DYNC2I1: variants seen among roughly 807,000 people sequenced by gnomAD.
The protein encoded by DYNC2I1 is cytoplasmic dynein 2 intermediate chain 1.
In DYNC2I1, 89 loss-of-function variants were observed where a neutral mutation model predicts 133.4. The observed-to-expected ratio is 0.67, with a 90% CI of 0.56 to 0.80. DYNC2I1 has a LOEUF of 0.80. Among genes scored for constraint, DYNC2I1 ranks in the 30% least tolerant of loss-of-function variants. The probability of loss-of-function intolerance (pLI) is 0.00; values close to 1 mark genes in which losing one functional copy is unlikely to be tolerated. For missense variants in DYNC2I1, 1,291 were observed against 1,314.5 expected, an observed-to-expected ratio of 0.98 and a Z score of 0.28; for synonymous variants, 504 against 484.3, an observed-to-expected ratio of 1.04 and a Z score of -0.54.
intron 5 of DYNC2I1, among the ~76,000 whole-genome samples, chr7:158,881,848 G>A (rs1242996021): frequency 3.9e-5 from 6 of 152,044 alleles, no homozygotes; most frequent in East Asian, 1.9e-4. Flanking sequence ...CAGCAAAGTC[G>A]ACGTAATTTT....
intron 3 of DYNC2I1, among the ~76,000 whole-genome samples, chr7:158,875,893 C>T (rs1443991894): frequency 6.6e-6 from 1 of 152,166 alleles, no homozygotes; most frequent in African/African-American, 2.4e-5. Flanking sequence ...ATGCAGAAAC[C>T]CTGAAGGCTG....
At chr7:158,936,798 G>T (rs1334250886) in intron 23 of DYNC2I1, among the ~76,000 whole-genome samples, 3 of 152,186 alleles carry the variant, frequency 2.0e-5, no homozygotes, top group Non-Finnish European at 4.4e-5. Flanking sequence ...CCTCATTTGG[G>T]ACAGGCCTCC....
intron 3 of DYNC2I1, among the ~76,000 whole-genome samples, chr7:158,873,607 A>T (rs1163840099): frequency 6.6e-6 from 1 of 152,128 alleles, no homozygotes; most frequent in Non-Finnish European, 1.5e-5. Flanking sequence ...TTAAAAATAT[A>T]TTTTATTTGT....
Position 158,862,304 on chromosome 7 carries a change from A to C in DYNC2I1, c.15+5554A>C, listed in dbSNP as rs569985669. On this transcript the variant is annotated intron_variant, in intron 1 of 24. Coordinates refer to ENST00000407559, the MANE Select transcript of DYNC2I1 (RefSeq NM_018051.5). ...GTGTTTAAAGAGAAAAGGACGAATCAGGGGACGATTACAAAATACTTTGTC... is the reference window on the plus strand; with the variant it reads ...GTGTTTAAAGAGAAAAGGACGAATCCGGGGACGATTACAAAATACTTTGTC... Among the ~76,000 whole-genome samples the C allele has an allele frequency of 2.0e-5, 3 of 148,786 alleles. No homozygotes were observed. The East Asian group carries it at 5.8e-4, about 29-fold the overall frequency.
At chr7:158,913,606 A>G (rs1014243425) in intron 13 of DYNC2I1, among the ~76,000 whole-genome samples, 1 of 152,222 alleles carries the variant, frequency 6.6e-6, no homozygotes, top group Non-Finnish European at 1.5e-5. Context: ...TTGCCTCTGT[A>G]TGGCAGGGAT....
chr7:158,941,784 A>G, intron 23 of DYNC2I1, 141 bp from the exon 24 acceptor site: 1 of 872,954 alleles, frequency 1.1e-6, no homozygotes, highest in Non-Finnish European at 1.8e-6. Context: ...AGGCCGAGGC[A>G]GGAGGATTGA....
chr7:158,917,202 G>A (rs1409828172), intron 14 of DYNC2I1, among the ~76,000 whole-genome samples: 5 of 141,932 alleles, frequency 3.5e-5, no homozygotes, highest in Non-Finnish European at 6.2e-5. Flanking sequence ...GTGAAACGTC[G>A]ACACGCTGGT....
Position 158,880,008 on chromosome 7 carries a change from C to T in DYNC2I1, c.879+19C>T, listed in dbSNP as rs757235921. ...ATCCCAGGTACCCCTTCTGATGCTT[C>T]GTTGCCTTAGCAGCCGCCCCGAGGC... is the stretch of plus-strand genomic sequence containing the variant. On this transcript the variant is annotated intron_variant, in intron 5 of 24. Coordinates refer to ENST00000407559, the MANE Select transcript of DYNC2I1 (RefSeq NM_018051.5). 87 of 1,564,318 alleles carry T rather than the reference C, an allele frequency of 5.6e-5. No individual in the cohort carries two copies. Among genetic ancestry groups the T allele is most frequent in the South Asian group, 2.9e-4 (24 of 82,186 alleles).
chr7:158,883,732 C>T (rs1159796634), intron 5 of DYNC2I1, among the ~76,000 whole-genome samples: 3 of 136,854 alleles, frequency 2.2e-5, no homozygotes, highest in East Asian at 2.2e-4. Context: ...GGCGCAATCT[C>T]GGCTCACTGC....
chr7:158,893,600 G>A (rs1252361205), intron 8 of DYNC2I1, among the ~76,000 whole-genome samples: 1 of 152,160 alleles, frequency 6.6e-6, no homozygotes, highest in South Asian at 2.1e-4. Flanking sequence ...CCTGGGAGGT[G>A]TGGCTGCTGC....
At chr7:158,865,850 G>A (rs1842357227) in intron 1 of DYNC2I1, among the ~76,000 whole-genome samples, 1 of 152,192 alleles carries the variant, frequency 6.6e-6, no homozygotes, top group African/African-American at 2.4e-5. Context: ...ACAGCACCGG[G>A]GCAGGGAAGT....
chr7:158,843,384 C>T, the DYNC2I1 span, among the ~76,000 whole-genome samples: 8,266 of 152,262 alleles, frequency 0.054, 639 homozygotes, highest in African/African-American at 0.17. Context: ...CCTCAGCCAC[C>T]TGAGTAGCAG....
intron 10 of DYNC2I1, chr7:158,903,973 A>G (rs765566734): frequency 6.6e-6 from 1 of 152,228 alleles, no homozygotes; most frequent in African/African-American, 2.4e-5. Flanking sequence ...GGAGTTATTC[A>G]CTGTCATACA....
chr7:158,940,014 A>G (rs1364307177), intron 23 of DYNC2I1, among the ~76,000 whole-genome samples: 1 of 152,200 alleles, frequency 6.6e-6, no homozygotes, highest in Non-Finnish European at 1.5e-5. Flanking sequence ...AATAGATCTA[A>G]AACAGAAATA....
At chr7:158,886,976 T>C in intron 6 of DYNC2I1, 45 bp from the exon 7 acceptor site, 1 of 1,549,184 alleles carries the variant, frequency 6.5e-7, no homozygotes, top group Non-Finnish European at 8.9e-7. Flanking sequence ...TTTTAAAAGC[T>C]CTCATTTAAA....
At chr7:158,885,542 A>C (rs1375006072) in intron 6 of DYNC2I1, among the ~76,000 whole-genome samples, 14 of 152,024 alleles carry the variant, frequency 9.2e-5, no homozygotes, top group Admixed American at 9.2e-4. Flanking sequence ...GAGTTTCACC[A>C]TGTTGGCCAG....
At chr7:158,892,729 C>A (rs1845355559) in intron 8 of DYNC2I1, among the ~76,000 whole-genome samples, 1 of 151,894 alleles carries the variant, frequency 6.6e-6, no homozygotes, top group African/African-American at 2.4e-5. Context: ...GTGGATCACC[C>A]CAGGAGTTCG....
At chr7:158,904,704 A>G (rs1169288863) in intron 10 of DYNC2I1, 2 of 154,128 alleles carry the variant, frequency 1.3e-5, no homozygotes, top group African/African-American at 4.8e-5. Flanking sequence ...TCCTTATCAC[A>G]GTCCTGTACG....
intron 20 of DYNC2I1, among the ~76,000 whole-genome samples, chr7:158,928,416 C>T (rs1431756884): frequency 6.6e-6 from 1 of 152,158 alleles, no homozygotes; most frequent in Non-Finnish European, 1.5e-5. Context: ...TTGTTCCTAA[C>T]CTCTTGAGAT....
Sources: gnomAD v4.1 joint callset for allele counts (sites outside exome capture counted in the v4.1 genomes callset) on GRCh38, gnomAD v4.1.1 for gene constraint, MANE v1.5 for transcripts, NCBI Gene and HGNC (gene_info 2026-07-23, HGNC 2026-07-21) for gene names.